RALGPS2: variants seen among roughly 807,000 people sequenced by gnomAD.
RALGPS2 encodes ras-specific guanine nucleotide-releasing factor RalGPS2.
In RALGPS2, 43 loss-of-function variants were observed where a neutral mutation model predicts 86.8. The ratio of observed to expected loss-of-function variants is 0.50; its 90% CI spans 0.39 to 0.64. RALGPS2 has a LOEUF of 0.64. RALGPS2 is among the 30% of genes least tolerant of loss of function. The probability of loss-of-function intolerance (pLI) is 0.00; values close to 1 mark genes in which losing one functional copy is unlikely to be tolerated. For missense variants in RALGPS2, 536 were observed against 694.6 expected, an observed-to-expected ratio of 0.77 and a Z score of 2.57; for synonymous variants, 243 against 231.3, an observed-to-expected ratio of 1.05 and a Z score of -0.46.
At chr1:178,869,214 A>G (rs1224916713) in intron 8 of RALGPS2, 2 of 152,062 alleles carry the variant, frequency 1.3e-5, no homozygotes, top group African/African-American at 4.8e-5. Context: ...CATAGTTGCT[A>G]TATTGCCAGC....
Position 178,772,468 on chromosome 1 carries a change from G to A in RALGPS2, c.-83-4214G>A, listed in dbSNP as rs376051541. ...GGTATCTTAGGAGATCTCAGCTCTT[G>A]TCTATTAGGATTACTTAGCAAATTA... is the stretch of plus-strand genomic sequence containing the variant. On this transcript the variant is annotated intron_variant, in intron 1 of 19. Coordinates refer to ENST00000367635, the MANE Select transcript of RALGPS2 (RefSeq NM_152663.5). 3.3e-5 allele frequency among the ~76,000 whole-genome samples: 5 copies of A among 152,308 alleles called. No homozygotes were observed. The East Asian group carries it at 7.7e-4, about 23-fold the overall frequency.
chr1:178,912,372 G>C (rs908864259), intron 19 of RALGPS2, among the ~76,000 whole-genome samples: 2 of 152,142 alleles, frequency 1.3e-5, no homozygotes, highest in Non-Finnish European at 2.9e-5. Context: ...CTCTTGTAAG[G>C]CAAGTCTGAT....
chr1:178,868,108 A>AT (rs1013030686), intron 8 of RALGPS2, among the ~76,000 whole-genome samples: 12 of 151,580 alleles, frequency 7.9e-5, no homozygotes, highest in Non-Finnish European at 7.4e-5. Context: ...ACACATGGGT[A>AT]TTTTTTTTAG....
In RALGPS2 at chr1:178,883,537, A is replaced by T; in HGVS notation, c.904+4A>T. 1 of 1,605,446 alleles carries T rather than the reference A, an allele frequency of 6.2e-7. No homozygotes were observed. On this transcript the variant is annotated splice_donor_region_variant and intron_variant, in intron 11 of 19. Coordinates refer to ENST00000367635, the MANE Select transcript of RALGPS2 (RefSeq NM_152663.5). ...GCTTCCAGAGAAGATTTAGTAGGTCAGTACGTAGTTTTCTCTTGTTACCAA... is the reference window on the plus strand; with the variant it reads ...GCTTCCAGAGAAGATTTAGTAGGTCTGTACGTAGTTTTCTCTTGTTACCAA...
In RALGPS2 at chr1:178,881,400, C is replaced by T. The variant is rs186087093; in HGVS notation, c.837-2066C>T. Among the ~76,000 whole-genome samples the T allele has an allele frequency of 1.2e-4, 18 of 152,156 alleles. No homozygotes were observed. In the East Asian group the frequency reaches 2.7e-3, roughly 23 times the overall value. ...AGAAACAGTGTCTTTGCATGGCGAA[C>T]GATGAGTCATTTGGTGTTATTGGGA... On this transcript the variant is annotated intron_variant, in intron 10 of 19. Coordinates refer to ENST00000367635, the MANE Select transcript of RALGPS2 (RefSeq NM_152663.5).
At chr1:178,894,083 C>A in intron 16 of RALGPS2, 59 bp downstream of exon 16, 1 of 1,024,524 alleles carries the variant, frequency 9.8e-7, no homozygotes, top group Non-Finnish European at 1.4e-6. Flanking sequence ...ATTTATAAGA[C>A]TCTGTAAAAG....
rs560619853 is a variant in RALGPS2, at chr1:178,786,487, G to A, written c.213+880G>A. Reference sequence around the variant, plus strand: ...ATGAAAACAAAGGGACTGGCGTTATGCATCTATCCACTATAAGCATGGGGG... The same window carrying A: ...ATGAAAACAAAGGGACTGGCGTTATACATCTATCCACTATAAGCATGGGGG... On this transcript the variant is annotated intron_variant, in intron 4 of 19. Transcript: ENST00000367635. Among the ~76,000 whole-genome samples, 70 of 152,060 alleles carry A rather than the reference G, an allele frequency of 4.6e-4. 1 individual carries two copies. The Middle Eastern group carries it at 0.01, about 22-fold the overall frequency.
chr1:178,802,415 T>C (rs1382729890), intron 4 of RALGPS2, among the ~76,000 whole-genome samples: 2 of 152,298 alleles, frequency 1.3e-5, no homozygotes. Flanking sequence ...TTCCAGCATC[T>C]CTAGTGGTGC....
chr1:178,861,603 A>G (rs1477987385), intron 8 of RALGPS2, among the ~76,000 whole-genome samples: 2 of 152,214 alleles, frequency 1.3e-5, no homozygotes, highest in African/African-American at 4.8e-5. Flanking sequence ...CTCAAGCTTC[A>G]GGGATCACAT....
At chr1:178,853,225 A>T in intron 8 of RALGPS2, 1 of 984,912 alleles carries the variant, frequency 1.0e-6, no homozygotes, top group Non-Finnish European at 1.2e-6. Context: ...AATAAAATTT[A>T]TCCATAGCTA....
At chr1:178,793,292 CT>C (rs1336821811) in intron 4 of RALGPS2, among the ~76,000 whole-genome samples, 6 of 150,954 alleles carry the variant, frequency 4.0e-5, no homozygotes, top group Non-Finnish European at 8.8e-5. Context: ...CTTTAAAATA[CT>C]TTATAGATTT....
At chr1:178,906,000 T>G (rs958570958) in intron 18 of RALGPS2, among the ~76,000 whole-genome samples, 5 of 152,218 alleles carry the variant, frequency 3.3e-5, no homozygotes, top group African/African-American at 7.2e-5. Flanking sequence ...TGACTAATCC[T>G]TAATTATACT....
At chr1:178,825,285 C>T (rs370032492) in intron 7 of RALGPS2, among the ~76,000 whole-genome samples, 12 of 151,646 alleles carry the variant, frequency 7.9e-5, no homozygotes, top group Admixed American at 3.9e-4. Flanking sequence ...AGGTGAAAGA[C>T]GGAAAATATG....
At chr1:178,790,658 T>C (rs1653908344) in intron 4 of RALGPS2, among the ~76,000 whole-genome samples, 1 of 152,264 alleles carries the variant, frequency 6.6e-6, no homozygotes. Context: ...CATTGTTGAC[T>C]AGCATCTGTG....
rs992889609 is a variant in RALGPS2 at position 178,917,524 on chromosome 1, T to C, written c.*1165T>C. 5 of 152,108 alleles carry C rather than the reference T, an allele frequency of 3.3e-5. No individual in the cohort carries two copies. Among genetic ancestry groups the C allele is most frequent in the Admixed American group, 6.5e-5 (1 of 15,278 alleles). 9.4% of individuals were successfully genotyped at this position (152,108 alleles called of 1,614,324 possible). On this transcript the variant is annotated 3_prime_UTR_variant, in exon 20 of 20. Transcript: ENST00000367635. ...TTTAAGAGGGATAAAGGTGAAAATA[T>C]CAGATTCTGGAAATTTTAAGTATCT... is the stretch of plus-strand genomic sequence containing the variant.
intron 8 of RALGPS2, among the ~76,000 whole-genome samples, chr1:178,844,273 G>A (rs946754019): frequency 1.3e-5 from 2 of 152,098 alleles, no homozygotes; most frequent in Admixed American, 1.3e-4. Flanking sequence ...AAAGGTAACC[G>A]CTAATGATTT....
intron 8 of RALGPS2, among the ~76,000 whole-genome samples, chr1:178,864,607 C>T (rs899182341): frequency 2.0e-5 from 3 of 152,102 alleles, no homozygotes; most frequent in Non-Finnish European, 2.9e-5. Flanking sequence ...GTAGCAGCGA[C>T]GACCTAGCTA....
At chr1:178,802,620 G>A (rs575118648) in intron 4 of RALGPS2, among the ~76,000 whole-genome samples, 1 of 152,308 alleles carries the variant, frequency 6.6e-6, no homozygotes, top group East Asian at 1.9e-4. Flanking sequence ...TAAACTCACT[G>A]TAAGAGCAAC....
At chr1:178,852,952 T>G (rs551634791) in intron 8 of RALGPS2, 1 of 1,606,270 alleles carries the variant, frequency 6.2e-7, no homozygotes. Context: ...TCCAAACCCT[T>G]TCTGTTAATA....
Sources: gnomAD v4.1 joint callset for allele counts (sites outside exome capture counted in the v4.1 genomes callset) on GRCh38, gnomAD v4.1.1 for gene constraint, MANE v1.5 for transcripts, NCBI Gene and HGNC (gene_info 2026-07-23, HGNC 2026-07-21) for gene names.